DBNL: variants seen among roughly 807,000 people sequenced by gnomAD.
The protein encoded by DBNL is drebrin like.
Under a neutral mutation model 62.2 loss-of-function variants are expected in DBNL, and 35 were observed. The observed-to-expected ratio is 0.56, with a 90% CI of 0.43 to 0.75. The LOEUF (loss-of-function observed/expected upper bound fraction) is 0.75. DBNL is among the 30% of genes least tolerant of loss of function. The pLI is 0.00. For synonymous variants in DBNL, 197 were observed against 218.0 expected (o/e 0.90, Z 0.85); for missense variants, 495 against 578.4 (o/e 0.86, Z 1.48).
At chr7:44,047,650 T>C (rs1422113826) in intron 1 of DBNL, among the ~76,000 whole-genome samples, 1 of 152,214 alleles carries the variant, frequency 6.6e-6, no homozygotes, top group Non-Finnish European at 1.5e-5. Flanking sequence ...CAGTAGGCTC[T>C]CAGTACTTAT....
chr7:44,065,423 T>C lies in DBNL; in HGVS notation c.*4507T>C, dbSNP rs1055906559. On this transcript the variant is annotated 3_prime_UTR_variant, in exon 13 of 13. Transcript: ENST00000448521. Reference sequence around the variant, plus strand: ...GGCCTTGGCTCCCCGCTTGGCCTCCTCGGTCCCCTTTTCACTCAGCTCTGC... The same window carrying C: ...GGCCTTGGCTCCCCGCTTGGCCTCCCCGGTCCCCTTTTCACTCAGCTCTGC... 6.2e-7 allele frequency: 1 copy of C among 1,614,152 alleles called. No homozygotes were observed. Among genetic ancestry groups the C allele is most frequent in the Non-Finnish European group, 8.5e-7 (1 of 1,180,036 alleles).
rs117168283 is a variant in DBNL, at chr7:44,059,643, C to T, written c.1032C>T (p.Tyr344=). ...AACCTCCAGAGCAGGAGACCTTCTA[C>T]GAGCAGCCCCCACTGGTGGGTTCCT... ...YEEPPEQETF[Y]EQPPLVQQQG... is the part of the protein sequence containing the mutation. Residue 344 remains tyrosine (Y), a synonymous_variant, in exon 11 of 13, where the codon TAC becomes TAT. Coordinates refer to ENST00000448521, the MANE Select transcript of DBNL (RefSeq NM_001014436.3). The surrounding 1 kb of genome is among the most constrained non-coding windows in gnomAD (Gnocchi z 4.1). 1.7e-5 allele frequency: 28 copies of T among 1,604,850 alleles called. No homozygotes were observed. Among genetic ancestry groups the T allele is most frequent in the East Asian group, 8.9e-5 (4 of 44,848 alleles).
At position 44,064,821 on chromosome 7, in the gene DBNL, G is replaced by A. The variant is rs760737158; in HGVS notation, c.*3905G>A. The A allele has an allele frequency of 7.9e-5, 67 of 843,414 alleles. No individual in the cohort carries two copies. The highest frequency in any genetic ancestry group is 2.4e-4 in the Admixed American group (12 of 50,158). The allele number at this position is 843,414 out of a possible 1,614,324, so 52.2% of individuals were successfully genotyped here. A position where few individuals can be genotyped will look rare whatever the true frequency, so the allele number is the denominator to read the frequency against. ...CACCCACCCTGCCCAGGCTCCTGAA[G>A]GTGGCCTCACCTTCCAGGTGCTTGA... On this transcript the variant is annotated 3_prime_UTR_variant, in exon 13 of 13. Transcript: ENST00000448521.
In DBNL at chr7:44,068,313, G is replaced by C. The variant is rs764299505; in HGVS notation, c.*7397G>C. On this transcript the variant is annotated 3_prime_UTR_variant, in exon 13 of 13. Coordinates refer to ENST00000448521, the MANE Select transcript of DBNL (RefSeq NM_001014436.3). The stretch of plus-strand genomic sequence containing the variant: ...GCAGGGAGCTGTTGTGTTTCAGGGA[G>C]AGTACAGAGAAGGGAGAGATGAAGT... The C allele has an allele frequency of 2.0e-5, 3 of 152,210 alleles. No homozygotes were observed. Among genetic ancestry groups the C allele is most frequent in the Non-Finnish European group, 4.4e-5 (3 of 68,080 alleles). 9.4% of individuals were successfully genotyped at this position (152,210 alleles called of 1,614,324 possible).
rs2096146248 is a variant in DBNL, at chr7:44,060,298, A to G, written c.1153+145A>G. 38 of 701,000 alleles carry G rather than the reference A, an allele frequency of 5.4e-5. 1 individual carries two copies. The South Asian group carries it at 6.6e-4, about 12-fold the overall frequency. The allele number at this position is 701,000 out of a possible 1,614,324, so 43.4% of individuals were successfully genotyped here. ...GGGCGGTGCGTTTAGGGGTAGAAGCACCTCTGGAGTGGGGGTGACTGTGGC... is the reference window on the plus strand; with the variant it reads ...GGGCGGTGCGTTTAGGGGTAGAAGCGCCTCTGGAGTGGGGGTGACTGTGGC... On this transcript the variant is annotated intron_variant, in intron 12 of 12. Transcript: ENST00000448521. This position sits in a 1 kb window ranked among gnomAD's most constrained non-coding sequence, Gnocchi z 6.3.
chr7:44,063,816 CAT>C lies in DBNL; in HGVS notation c.*2903_*2904del, dbSNP rs2096153872. ...TCTGGGGAGTCAGAGTGAAATCCCTCATATTCACCACCAAAAGTGCGTCCCCT... is the reference window on the plus strand; with the variant it reads ...TCTGGGGAGTCAGAGTGAAATCCCTCATTCACCACCAAAAGTGCGTCCCCT... On this transcript the variant is annotated 3_prime_UTR_variant, in exon 13 of 13. Transcript: ENST00000448521. The C allele has an allele frequency of 6.6e-6, 1 of 152,394 alleles. No individual in the cohort carries two copies. The highest frequency in any genetic ancestry group is 6.5e-5 in the Admixed American group (1 of 15,282). The allele number at this position is 152,394 out of a possible 1,614,324, so 9.4% of individuals were successfully genotyped here. A position where few individuals can be genotyped will look rare whatever the true frequency, so the allele number is the denominator to read the frequency against.
chr7:44,065,174 A>G lies in DBNL; in HGVS notation c.*4258A>G, dbSNP rs1307126910. ...GTCCATCGGGGGCGGCGGGATGTCG[A>G]AGGAGCGCCTCCAGATCTTCACCTG... is the stretch of plus-strand genomic sequence containing the variant. On this transcript the variant is annotated 3_prime_UTR_variant, in exon 13 of 13. Coordinates refer to ENST00000448521, the MANE Select transcript of DBNL (RefSeq NM_001014436.3). 5 of 1,614,074 alleles carry G rather than the reference A, an allele frequency of 3.1e-6. No homozygotes were observed. The highest frequency in any genetic ancestry group is 1.7e-5 in the Admixed American group (1 of 60,022).
At chr7:44,048,356 C>T (rs916721752) in intron 1 of DBNL, among the ~76,000 whole-genome samples, 4 of 152,256 alleles carry the variant, frequency 2.6e-5, no homozygotes, top group African/African-American at 7.2e-5. Context: ...CCCCCCAGCT[C>T]ATGCTGGCAG....
In DBNL at chr7:44,064,981, T is replaced by C. The variant is rs747220234; in HGVS notation, c.*4065T>C. ...CTTGAGGCTCTCGCAGGTGGGGAGT[T>C]CCCCGGGCTTCAGGCCTGCGTACCG... On this transcript the variant is annotated 3_prime_UTR_variant, in exon 13 of 13. Coordinates refer to ENST00000448521, the MANE Select transcript of DBNL (RefSeq NM_001014436.3). 1 of 1,606,634 alleles carries C rather than the reference T, an allele frequency of 6.2e-7. No individual in the cohort carries two copies. The highest frequency in any genetic ancestry group is 8.5e-7 in the Non-Finnish European group (1 of 1,179,580).
chr7:44,044,765 C>T lies in DBNL; in HGVS notation c.28C>T (p.Pro10Ser). 6.6e-7 allele frequency: 1 copy of T among 1,507,964 alleles called. No homozygotes were observed. Among genetic ancestry groups the T allele is most frequent in the Non-Finnish European group, 8.9e-7 (1 of 1,129,376 alleles). 93.4% of individuals were successfully genotyped at this position (1,507,964 alleles called of 1,614,324 possible). Residue 10 changes from proline (P) to serine (S), a missense_variant, in exon 1 of 13, where the codon CCA (proline) becomes TCA (serine). Physicochemically the swap from Pro to Ser is moderately conservative, Grantham distance 74. Coordinates refer to ENST00000448521, the MANE Select transcript of DBNL (RefSeq NM_001014436.3). ...GGCGGCGAACCTGAGCCGGAACGGGCCAGCGCTGCAAGAGGCCTACGTGCG... is the reference window on the plus strand; with the variant it reads ...GGCGGCGAACCTGAGCCGGAACGGGTCAGCGCTGCAAGAGGCCTACGTGCG... MAANLSRNG[P>S]ALQEAYVRVV...
At chr7:44,053,075 CT>C (rs757381335) in intron 4 of DBNL, 134 bp downstream of exon 4, 11 of 1,196,474 alleles carry the variant, frequency 9.2e-6, no homozygotes, top group Non-Finnish European at 1.3e-5. Context: ...CTCTGCCTGC[CT>C]TTGAGGGCAT....
In DBNL at chr7:44,065,264, T is replaced by G. The variant is rs104894030; in HGVS notation, c.*4348T>G. 114 of 1,613,686 alleles carry G rather than the reference T, an allele frequency of 7.1e-5. No individual in the cohort carries two copies. The highest frequency in any genetic ancestry group is 9.4e-5 in the Non-Finnish European group (111 of 1,180,050). ...GCCTGTGAGGCCCCCGTAATGCCGC[T>G]CATTGAGGCGCCAAGTGCGCACCAC... On this transcript the variant is annotated 3_prime_UTR_variant, in exon 13 of 13. Transcript: ENST00000448521.
chr7:44,058,095 C>A (rs536981903), intron 6 of DBNL, 34 bp from the exon 7 acceptor site: 1 of 1,550,266 alleles, frequency 6.5e-7, no homozygotes. Context: ...GAAGTGGCAG[C>A]ATAGGGCTGA....
intron 1 of DBNL, among the ~76,000 whole-genome samples, chr7:44,048,899 G>A (rs1285360674): frequency 2.6e-5 from 4 of 152,166 alleles, no homozygotes; most frequent in Admixed American, 2.6e-4. Context: ...CTGTTGTTTG[G>A]GCTGGAGTAC....
At chr7:44,048,496 C>T (rs1024234047) in intron 1 of DBNL, among the ~76,000 whole-genome samples, 2 of 152,328 alleles carry the variant, frequency 1.3e-5, no homozygotes, top group Non-Finnish European at 1.5e-5. Context: ...TGCCTTTTCC[C>T]GGAGGCCTGT....
intron 5 of DBNL, 46 bp from the exon 6 acceptor site, chr7:44,057,736 G>T: frequency 6.2e-7 from 1 of 1,610,492 alleles, no homozygotes. Flanking sequence ...TGTGGGCCTG[G>T]CCTTCCACCT....
chr7:44,066,471 T>C lies in DBNL; in HGVS notation c.*5555T>C, dbSNP rs768368437. The C allele has an allele frequency of 3.9e-5, 6 of 152,272 alleles. No homozygotes were observed. Among genetic ancestry groups the C allele is most frequent in the African/African-American group, 7.2e-5 (3 of 41,468 alleles). The allele number at this position is 152,272 out of a possible 1,614,324, so 9.4% of individuals were successfully genotyped here. ...GAGACTATGAGCAATAAAGTCACAA[T>C]TGGGGCCCTAATGAAGGGGCCATGG... On this transcript the variant is annotated 3_prime_UTR_variant, in exon 13 of 13. Transcript: ENST00000448521.
rs2096142919 is a variant in DBNL, at chr7:44,059,090, G to T, written c.835+107G>T. ...CTAGTGACAGATATATCGGTGACGGGTGAGTGAGTGAGGAGAAGGGACACC... is the reference window on the plus strand; with the variant it reads ...CTAGTGACAGATATATCGGTGACGGTTGAGTGAGTGAGGAGAAGGGACACC... On this transcript the variant is annotated intron_variant, in intron 9 of 12. Transcript: ENST00000448521. The surrounding 1 kb of genome is among the most constrained non-coding windows in gnomAD (Gnocchi z 4.1). The T allele has an allele frequency of 1.2e-5, 13 of 1,106,262 alleles. No homozygotes were observed. Among genetic ancestry groups the T allele is most frequent in the Non-Finnish European group, 1.7e-5 (13 of 761,162 alleles). 68.5% of individuals were successfully genotyped at this position (1,106,262 alleles called of 1,614,324 possible).
chr7:44,054,437 C>T (rs377116101), intron 4 of DBNL, among the ~76,000 whole-genome samples: 24 of 152,280 alleles, frequency 1.6e-4, no homozygotes, highest in African/African-American at 5.5e-4. Context: ...AAGTGATCTG[C>T]CCTCTTCAGC....
Sources: gnomAD v4.1 joint callset for allele counts (sites outside exome capture counted in the v4.1 genomes callset) on GRCh38, gnomAD v4.1.1 for gene constraint, Gnocchi (gnomAD v3.1) non-coding constraint, MANE v1.5 for transcripts, NCBI Gene and HGNC (gene_info 2026-07-23, HGNC 2026-07-21) for gene names.